ASB8: variants seen among roughly 807,000 people sequenced by gnomAD.
ASB8 encodes the protein ankyrin repeat and SOCS box protein 8.
In ASB8, 15 loss-of-function variants were observed where a neutral mutation model predicts 22.9. The ratio of observed to expected loss-of-function variants is 0.66; its 90% CI spans 0.44 to 1.01. The LOEUF (loss-of-function observed/expected upper bound fraction) is 1.01. Ranked by LOEUF, ASB8 falls within the 50% of genes least tolerant of loss-of-function variation. The probability of loss-of-function intolerance (pLI) is 0.00; values close to 1 mark genes in which losing one functional copy is unlikely to be tolerated. For missense variants in ASB8, 294 were observed against 356.9 expected, an observed-to-expected ratio of 0.82 and a Z score of 1.42; for synonymous variants, 124 against 140.8, an observed-to-expected ratio of 0.88 and a Z score of 0.84.
rs1159328370 is a variant in ASB8 at position 48,150,222 on chromosome 12, TGC to T, written c.235-226_235-225del. ...TCCTCAAACAGTCAACACTATTATG[TGC>T]ACTGACTAGCTGGTCTGCATTATTT... is the stretch of plus-strand genomic sequence containing the variant. On this transcript the variant is annotated intron_variant, in intron 3 of 3. Coordinates refer to ENST00000317697, the MANE Select transcript of ASB8 (RefSeq NM_024095.5). The T allele has an allele frequency of 7.1e-6, 5 of 703,278 alleles. No individual in the cohort carries two copies. The African/African-American group carries it at 8.7e-5, about 12-fold the overall frequency. The allele number at this position is 703,278 out of a possible 1,614,324, so 43.6% of individuals were successfully genotyped here.
In ASB8 at chr12:48,148,657, GGTTTT is replaced by G. The variant is rs1311783230; in HGVS notation, c.*704_*708del. The G allele has an allele frequency of 9.7e-6, 1 of 103,196 alleles. No homozygotes were observed. The highest frequency in any genetic ancestry group is 2.1e-5 in the Non-Finnish European group (1 of 47,560). 6.4% of individuals were successfully genotyped at this position (103,196 alleles called of 1,614,324 possible). On this transcript the variant is annotated 3_prime_UTR_variant, in exon 4 of 4. Transcript: ENST00000317697. ...AGTTTTTTCACAGATCAATTAAAATGGTTTTTTTTTTTTTTTTTTTTTTTTGAGAC... is the reference window on the plus strand; with the variant it reads ...AGTTTTTTCACAGATCAATTAAAATGTTTTTTTTTTTTTTTTTTTTGAGAC...
In ASB8 at chr12:48,148,163, A is replaced by G. The variant is rs1482604528; in HGVS notation, c.*1203T>C. On this transcript the variant is annotated 3_prime_UTR_variant, in exon 4 of 4. Transcript: ENST00000317697. ...AGGTTCCAGAACAACTGAAAGAAAA[A>G]TAATTCCAAACTAAGCAGAGTGAAC... 1 of 152,208 alleles carries G rather than the reference A, an allele frequency of 6.6e-6. No individual in the cohort carries two copies. The highest frequency in any genetic ancestry group is 2.4e-5 in the African/African-American group (1 of 41,442). The allele number at this position is 152,208 out of a possible 1,614,324, so 9.4% of individuals were successfully genotyped here. A position where few individuals can be genotyped will look rare whatever the true frequency, so the allele number is the denominator to read the frequency against.
chr12:48,153,605 C>T (rs1040578923), intron 1 of ASB8, 76 bp from the exon 2 acceptor site: 6 of 1,135,100 alleles, frequency 5.3e-6, no homozygotes, highest in African/African-American at 4.6e-5. Flanking sequence ...TCTCTGAGGC[C>T]TTCCCAATGC....
At position 48,149,826 on chromosome 12, in the gene ASB8, G is replaced by A; in HGVS notation, c.407C>T (p.Ala136Val). 1.2e-6 allele frequency: 2 copies of A among 1,614,156 alleles called. No homozygotes were observed. Among genetic ancestry groups the A allele is most frequent in the African/African-American group, 1.3e-5 (1 of 75,050 alleles). Residue 136 changes from alanine to valine, a missense_variant, in exon 4 of 4, where the codon GCT becomes GTT. Physicochemically the swap from Ala to Val is moderately conservative, Grantham distance 64. Coordinates refer to ENST00000317697, the MANE Select transcript of ASB8 (RefSeq NM_024095.5). ...GACAGAGGCCCCGCTCTCTAGGAGA[G>A]CCCGCACACACTCAGCATTGTTCTT... Reference protein sequence around the residue: ...AFKNNAECVRALLESGASVNA... With the variant: ...AFKNNAECVRVLLESGASVNA...
chr12:48,154,673 C>T (rs963312190), intron 1 of ASB8, among the ~76,000 whole-genome samples: 2 of 152,058 alleles, frequency 1.3e-5, no homozygotes, highest in Admixed American at 1.3e-4. Context: ...CGTGGTGGCT[C>T]ACACCTGTAA....
At chr12:48,155,934 G>A (rs116851385) in intron 1 of ASB8, among the ~76,000 whole-genome samples, 8,977 of 151,016 alleles carry the variant, frequency 0.059, 355 homozygotes, top group Non-Finnish European at 0.093. Context: ...GCACCATCAC[G>A]CCCAGCTAAT....
rs1361624214 is a variant in ASB8, at chr12:48,149,675, T to C, written c.558A>G (p.Thr186=). Residue 186 remains threonine, a synonymous_variant, in exon 4 of 4, where the codon ACA becomes ACG. Transcript: ENST00000317697. ...EVRVINLIGQ[T]PISRLVALLV... ...GCAGAGCCACCAGGCGGGAGATGGG[T>C]GTCTGGCCTATTAGGTTGATGACTC... 1.9e-6 allele frequency: 3 copies of C among 1,614,038 alleles called. No homozygotes were observed. The highest frequency in any genetic ancestry group is 3.3e-5 in the Admixed American group (2 of 60,018).
At chr12:48,156,291 A>AT (rs1380193622) in intron 1 of ASB8, among the ~76,000 whole-genome samples, 1 of 152,186 alleles carries the variant, frequency 6.6e-6, no homozygotes, top group Non-Finnish European at 1.5e-5. Flanking sequence ...ATATGTCTCT[A>AT]TGACATTTTC....
intron 1 of ASB8, chr12:48,153,965 C>T (rs931948696): frequency 6.4e-6 from 1 of 155,080 alleles, no homozygotes; most frequent in African/African-American, 2.4e-5. Context: ...CTGTAATCAA[C>T]TGGAAGGCAA....
At chr12:48,152,323 G>C (rs1951217409) in intron 2 of ASB8, among the ~76,000 whole-genome samples, 1 of 152,138 alleles carries the variant, frequency 6.6e-6, no homozygotes, top group Non-Finnish European at 1.5e-5. Flanking sequence ...CTTCAGTTGT[G>C]TCCAATAACT....
At chr12:48,150,341 G>A (rs548204137) in intron 3 of ASB8, among the ~76,000 whole-genome samples, 37 of 152,322 alleles carry the variant, frequency 2.4e-4, no homozygotes, top group Middle Eastern at 3.4e-3. Context: ...CTAAGTCCCC[G>A]TAACTGCTCT....
Position 48,149,988 on chromosome 12 carries a change from A to AGG in ASB8, c.243_244dup (p.Leu82ProfsTer58). The stretch of plus-strand genomic sequence containing the variant: ...GAGGGCTGTTCGGTTATACCCATCC[A>AGG]GGGCATTCACCTGTAAAAAGGGAGG... On this transcript the variant is annotated frameshift_variant, in exon 4 of 4. Coordinates refer to ENST00000317697, the MANE Select transcript of ASB8 (RefSeq NM_024095.5). LOFTEE classifies it high-confidence loss of function. The AGG allele has an allele frequency of 6.2e-7, 1 of 1,613,198 alleles. No individual in the cohort carries two copies. The highest frequency in any genetic ancestry group is 1.1e-5 in the South Asian group (1 of 91,042).
rs1374560886 is a variant in ASB8 at position 48,147,831 on chromosome 12, T to C, written c.*1535A>G. 5 of 152,336 alleles carry C rather than the reference T, an allele frequency of 3.3e-5. No individual in the cohort carries two copies. Among genetic ancestry groups the C allele is most frequent in the African/African-American group, 9.6e-5 (4 of 41,572 alleles). 9.4% of individuals were successfully genotyped at this position (152,336 alleles called of 1,614,324 possible). A position where few individuals can be genotyped will look rare whatever the true frequency, so the allele number is the denominator to read the frequency against. On this transcript the variant is annotated 3_prime_UTR_variant, in exon 4 of 4. Coordinates refer to ENST00000317697, the MANE Select transcript of ASB8 (RefSeq NM_024095.5). ...TATTCTTTTTTTTTAAGTGATGTTT[T>C]TTAAACACCAGCATCAATAGGACAG...
intron 3 of ASB8, among the ~76,000 whole-genome samples, chr12:48,150,679 TAATGAAAGACAAAAACAAAAAAAA>T (rs1470363435): frequency 6.6e-6 from 1 of 151,934 alleles, no homozygotes; most frequent in East Asian, 1.9e-4. Context: ...ATACCCTCAT[TAATGAAAGACAAAAACAAAAAAAA>T]ACCCTGAAAC....
chr12:48,151,454 T>C (rs1951201793), intron 2 of ASB8, 149 bp from the exon 3 acceptor site: 2 of 973,210 alleles, frequency 2.1e-6, no homozygotes, highest in Non-Finnish European at 3.0e-6. Context: ...TCTATTAATA[T>C]TATGTCAATG....
At chr12:48,150,636 TG>T (rs1350056573) in intron 3 of ASB8, among the ~76,000 whole-genome samples, 1 of 152,172 alleles carries the variant, frequency 6.6e-6, no homozygotes, top group Admixed American at 6.5e-5. Context: ...CAGCATCACC[TG>T]TAGTTTTTTT....
At chr12:48,150,225 A>T in intron 3 of ASB8, 4 of 703,450 alleles carry the variant, frequency 5.7e-6, no homozygotes, top group Non-Finnish European at 1.0e-5. Context: ...TATTATGTGC[A>T]CTGACTAGCT....
rs749012132 is a variant in ASB8, at chr12:48,149,631, G to T, written c.602C>A (p.Thr201Lys). ...LVALLVRGLG[T>K]EKEDSCFELL... ...CTCAAAGCAAGAGTCCTCTTTCTCT[G>T]TTCCAAGTCCCCTGACTAGCAGAGC... is the stretch of plus-strand genomic sequence containing the variant. The change falls in exon 4 of 4, where the codon ACA (threonine) becomes AAA (lysine). Residue 201 changes from threonine to lysine, a missense_variant. Physicochemically the swap from Thr to Lys is moderately conservative, Grantham distance 78. Transcript: ENST00000317697. The T allele has an allele frequency of 6.8e-6, 11 of 1,614,162 alleles. No homozygotes were observed. The highest frequency in any genetic ancestry group is 1.7e-5 in the Admixed American group (1 of 60,022).
At chr12:48,152,356 G>C (rs536097273) in intron 2 of ASB8, among the ~76,000 whole-genome samples, 1 of 152,144 alleles carries the variant, frequency 6.6e-6, no homozygotes, top group Non-Finnish European at 1.5e-5. Context: ...CAGAGATCTA[G>C]GCTGTAAATG....
Sources: gnomAD v4.1 joint callset for allele counts (sites outside exome capture counted in the v4.1 genomes callset) on GRCh38, gnomAD v4.1.1 for gene constraint, MANE v1.5 for transcripts, NCBI Gene and HGNC (gene_info 2026-07-23, HGNC 2026-07-21) for gene names.